The following MTM1 variants were observed in gnomAD, a reference collection of about 807,000 sequenced individuals.
The protein encoded by MTM1 is myotubularin.
In MTM1, 9 loss-of-function variants were observed where a neutral mutation model predicts 52.1. The observed-to-expected ratio is 0.17, with a 90% CI of 0.10 to 0.30. The LOEUF is 0.30. Ranked by LOEUF, MTM1 falls within the 10% of genes least tolerant of loss-of-function variation. The probability of loss-of-function intolerance (pLI) is 1.00; values close to 1 mark genes in which losing one functional copy is unlikely to be tolerated. For synonymous variants in MTM1, 136 were observed against 163.8 expected (o/e 0.83, Z 1.29); for missense variants, 277 against 470.7 (o/e 0.59, Z 3.81).
intron 6 of MTM1, among the ~76,000 whole-genome samples, chrX:150,630,195 C>T (rs1025308667): frequency 8.9e-6 from 1 of 111,745 alleles, no homozygotes; most frequent in African/African-American, 3.3e-5. Context: ...CGGGTTCAAG[C>T]GATTTTCGTG....
At position 150,608,325 on chromosome X, in the gene MTM1, C is replaced by A. The variant is rs1350214301; in HGVS notation, c.232-6264C>A. 3.6e-5 allele frequency among the ~76,000 whole-genome samples: 4 copies of A among 111,033 alleles called. No individual in the cohort carries two copies. In the South Asian group the frequency reaches 1.1e-3, roughly 32 times the overall value. On this transcript the variant is annotated intron_variant, in intron 4 of 14. Transcript: ENST00000370396. ...CCATGACCTCCTGAGCTCAAGCAGT[C>A]CTCCCACCTCAACTTCCTGAGTAGC...
intron 14 of MTM1, among the ~76,000 whole-genome samples, chrX:150,666,370 G>GT (rs1201258239): frequency 8.9e-6 from 1 of 112,250 alleles, no homozygotes; most frequent in Non-Finnish European, 1.9e-5. Flanking sequence ...ATTTCTAACA[G>GT]TTTTTCTGTT....
chrX:150,643,735 T>C (rs188488196), intron 8 of MTM1, among the ~76,000 whole-genome samples: 87 of 112,060 alleles, frequency 7.8e-4, no homozygotes, highest in African/African-American at 2.8e-3. Flanking sequence ...ACATTCAGCT[T>C]CTGCTTAATC....
At position 150,592,591 on chromosome X, in the gene MTM1, G is replaced by A. The variant is rs782457173; in HGVS notation, c.-10-14G>A. ...ACAAATTCAGTTGATATTGAATGTT[G>A]TGTTTCTTGGTAGAGTTTCCAGGAT... On this transcript the variant is annotated splice_polypyrimidine_tract_variant and intron_variant, in intron 1 of 14. Transcript: ENST00000370396. The A allele has an allele frequency of 8.6e-7, 1 of 1,156,652 alleles. No homozygotes were observed.
At chrX:150,583,782 A>AAAATATATATAAAATATATATT (rs1557412088) in intron 1 of MTM1, among the ~76,000 whole-genome samples, 1 of 49,599 alleles carries the variant, frequency 2.0e-5, no homozygotes, top group African/African-American at 7.4e-5. Flanking sequence ...TTTAATATAT[A>AAAATATATATAAAATATATATT]AAATATATAT....
chrX:150,613,359 ATGC>A (rs1467297881), intron 4 of MTM1, among the ~76,000 whole-genome samples: 1 of 111,395 alleles, frequency 9.0e-6, no homozygotes, highest in African/African-American at 3.3e-5. Flanking sequence ...TGTGTGTTGT[ATGC>A]TGCTGTTTCC....
intron 14 of MTM1, among the ~76,000 whole-genome samples, chrX:150,667,067 C>A (rs1557414968): frequency 8.9e-6 from 1 of 112,026 alleles, no homozygotes; most frequent in African/African-American, 3.2e-5. Flanking sequence ...AGCATGGCAG[C>A]CAAAGCAGAT....
intron 6 of MTM1, among the ~76,000 whole-genome samples, chrX:150,625,760 A>G (rs1557413385): frequency 8.9e-6 from 1 of 112,460 alleles, no homozygotes; most frequent in Admixed American, 9.4e-5. Context: ...TATTCTGTGA[A>G]CTGATTAGCA....
At chrX:150,599,436 G>A (rs1268056557) in intron 4 of MTM1, among the ~76,000 whole-genome samples, 1 of 111,729 alleles carries the variant, frequency 9.0e-6, no homozygotes, top group Non-Finnish European at 1.9e-5. Flanking sequence ...GCCTGAAGGG[G>A]AGGTATATTT....
At chrX:150,646,883 A>G (rs1393160903) in intron 9 of MTM1, among the ~76,000 whole-genome samples, 3 of 112,008 alleles carry the variant, frequency 2.7e-5, no homozygotes, top group African/African-American at 9.8e-5. Flanking sequence ...AGGATGTGTC[A>G]GACTGCATGC....
Position 150,660,488 on chromosome X carries a change from A to G in MTM1, c.1467+4A>G. 8.9e-7 allele frequency: 1 copy of G among 1,129,269 alleles called. No individual in the cohort carries two copies. The highest frequency in any genetic ancestry group is 1.2e-6 in the Non-Finnish European group (1 of 820,705). The allele number at this position is 1,129,269 out of a possible 1,213,427, so 93.1% of individuals were successfully genotyped here. On this transcript the variant is annotated splice_donor_region_variant and intron_variant, in intron 13 of 14. Transcript: ENST00000370396. The stretch of plus-strand genomic sequence containing the variant: ...TGAATCTGCTCGAGAAAGACAGGTG[A>G]GTTAAAATGCTATTTTTTTTGATAC...
At chrX:150,564,376 A>AT (rs1322873225), upstream of MTM1, among the ~76,000 whole-genome samples, 5 of 110,688 alleles carry the variant, frequency 4.5e-5, no homozygotes, top group Non-Finnish European at 9.4e-5. Context: ...TTCTTTTACT[A>AT]TTTTTTATTA....
chrX:150,599,231 G>A (rs1252229212), intron 4 of MTM1, among the ~76,000 whole-genome samples: 1 of 111,840 alleles, frequency 8.9e-6, no homozygotes, highest in African/African-American at 3.3e-5. Context: ...GATGACTATG[G>A]TATGGCTTAC....
At chrX:150,621,021 G>C (rs1472489693) in intron 6 of MTM1, among the ~76,000 whole-genome samples, 2 of 107,281 alleles carry the variant, frequency 1.9e-5, no homozygotes, top group Non-Finnish European at 3.8e-5. Context: ...AGGAGTCTGA[G>C]GCAGGACAAT....
chrX:150,603,663 A>G (rs1338243879), intron 4 of MTM1, among the ~76,000 whole-genome samples: 2 of 111,994 alleles, frequency 1.8e-5, no homozygotes, highest in Middle Eastern at 4.7e-3. Context: ...GATAAGCCCA[A>G]TGGGGAAATT....
intron 5 of MTM1, among the ~76,000 whole-genome samples, chrX:150,615,084 T>G (rs1557413108): frequency 8.9e-6 from 1 of 111,985 alleles, no homozygotes; most frequent in Non-Finnish European, 1.9e-5. Context: ...TAACGGGATG[T>G]GTCCTTACCT....
At chrX:150,659,621 G>T in intron 11 of MTM1, 43 bp from the exon 12 acceptor site, 1 of 1,065,798 alleles carries the variant, frequency 9.4e-7, no homozygotes, top group Non-Finnish European at 1.3e-6. Context: ...TCTCAGTTTT[G>T]TACCCATTAA....
chrX:150,637,535 T>TAGTACATATGTACAGTGAACA (rs2039771339), intron 6 of MTM1, among the ~76,000 whole-genome samples: 2 of 111,797 alleles, frequency 1.8e-5, no homozygotes, highest in African/African-American at 6.5e-5. Flanking sequence ...GGGGAGGGGA[T>TAGTACATATGTACAGTGAACA]AGTACATATG....
chrX:150,587,881 C>T (rs1173512743), intron 1 of MTM1, among the ~76,000 whole-genome samples: 1 of 111,826 alleles, frequency 8.9e-6, no homozygotes, highest in African/African-American at 3.3e-5. Flanking sequence ...TTATAAATCA[C>T]TGTCCTTTTA....
Sources: gnomAD v4.1 joint callset for allele counts (sites outside exome capture counted in the v4.1 genomes callset) on GRCh38, gnomAD v4.1.1 for gene constraint, MANE v1.5 for transcripts, NCBI Gene and HGNC (gene_info 2026-07-23, HGNC 2026-07-21) for gene names.